Variants in GRID1 observed in about 807,000 individuals in gnomAD.
The protein encoded by GRID1 is glutamate ionotropic receptor delta type subunit 1.
A neutral mutation model predicts 98.0 loss-of-function variants in GRID1; 28 were observed. That is an observed-to-expected ratio of 0.29 (90% CI 0.21 to 0.39). The LOEUF (loss-of-function observed/expected upper bound fraction) is 0.39. Among genes scored for constraint, GRID1 ranks in the 10% least tolerant of loss-of-function variants. GRID1 has a pLI of 1.00. For synonymous variants in GRID1, 553 were observed against 538.5 expected (o/e 1.03, Z -0.37); for missense variants, 1,111 against 1,340.5 (o/e 0.83, Z 2.67).
At chr10:85,881,795 G>A (rs1841031224) in intron 5 of GRID1, among the ~76,000 whole-genome samples, 1 of 152,082 alleles carries the variant, frequency 6.6e-6, no homozygotes, top group African/African-American at 2.4e-5. Flanking sequence ...AAACTAAAGA[G>A]CTTCTGCACA....
chr10:85,886,039 G>A (rs1589287797), intron 5 of GRID1, among the ~76,000 whole-genome samples: 1 of 149,886 alleles, frequency 6.7e-6, no homozygotes, highest in East Asian at 1.9e-4. Context: ...AACCAGAGCT[G>A]TGTCCTGCCT....
intron 8 of GRID1, among the ~76,000 whole-genome samples, chr10:85,783,395 A>G (rs1280259821): frequency 6.6e-6 from 1 of 152,174 alleles, no homozygotes; most frequent in African/African-American, 2.4e-5. Context: ...TTATAATATC[A>G]AGAAGTGGGG....
chr10:86,004,487 A>C (rs1231553608), intron 4 of GRID1, among the ~76,000 whole-genome samples: 1 of 152,172 alleles, frequency 6.6e-6, no homozygotes, highest in African/African-American at 2.4e-5. Context: ...TGAGTAAAGC[A>C]GATTGCCCTC....
chr10:86,191,502 C>A (rs1487070273), intron 3 of GRID1, among the ~76,000 whole-genome samples: 1 of 151,550 alleles, frequency 6.6e-6, no homozygotes, highest in Non-Finnish European at 1.5e-5. Flanking sequence ...AGAGTGCCCA[C>A]CCCTCCCCTT....
At chr10:85,904,884 G>A (rs958907128) in intron 5 of GRID1, among the ~76,000 whole-genome samples, 4 of 152,024 alleles carry the variant, frequency 2.6e-5, no homozygotes, top group Non-Finnish European at 4.4e-5. Flanking sequence ...TAGTATCTGC[G>A]TAACTCAAAA....
At chr10:86,286,756 A>C (rs1847437419) in intron 2 of GRID1, among the ~76,000 whole-genome samples, 1 of 152,168 alleles carries the variant, frequency 6.6e-6, no homozygotes, top group Non-Finnish European at 1.5e-5. Flanking sequence ...AACGGTACCT[A>C]CCCCAGGGGC....
At chr10:86,346,868 T>C (rs1164487271) in intron 2 of GRID1, among the ~76,000 whole-genome samples, 1 of 152,090 alleles carries the variant, frequency 6.6e-6, no homozygotes, top group Non-Finnish European at 1.5e-5. Flanking sequence ...CCACCCACAA[T>C]GTATGCATGG....
At chr10:85,921,116 T>G (rs1446016581) in intron 4 of GRID1, among the ~76,000 whole-genome samples, 2 of 152,172 alleles carry the variant, frequency 1.3e-5, no homozygotes, top group East Asian at 3.9e-4. Flanking sequence ...TAGCCCCTTT[T>G]GAATGGAGGA....
intron 4 of GRID1, among the ~76,000 whole-genome samples, chr10:85,983,586 CA>C (rs1842572040): frequency 6.6e-6 from 1 of 152,170 alleles, no homozygotes; most frequent in African/African-American, 2.4e-5. Context: ...GAGACTTGAA[CA>C]GAAGGGACTT....
intron 2 of GRID1, among the ~76,000 whole-genome samples, chr10:86,244,877 T>A (rs1846696711): frequency 6.6e-6 from 1 of 152,236 alleles, no homozygotes; most frequent in Non-Finnish European, 1.5e-5. Context: ...TAACTGTGGT[T>A]TAATGAATTT....
At chr10:85,701,494 G>GA (rs1841451053) in intron 12 of GRID1, among the ~76,000 whole-genome samples, 1 of 151,998 alleles carries the variant, frequency 6.6e-6, no homozygotes, top group African/African-American at 2.4e-5. Flanking sequence ...AAACTCAAAA[G>GA]AAAAAATTCC....
chr10:86,265,436 T>C (rs1847089353), intron 2 of GRID1, among the ~76,000 whole-genome samples: 1 of 152,248 alleles, frequency 6.6e-6, no homozygotes, highest in African/African-American at 2.4e-5. Context: ...GTATGACCCT[T>C]CTATTTTACA....
intron 2 of GRID1, among the ~76,000 whole-genome samples, chr10:86,300,990 G>A (rs1057489623): frequency 6.6e-6 from 1 of 152,214 alleles, no homozygotes; most frequent in Admixed American, 6.5e-5. Context: ...CCATTTACCA[G>A]CTAGGCGGTC....
chr10:85,723,054 G>C lies in GRID1; in HGVS notation c.1946C>G (p.Thr649Arg), dbSNP rs781120069. The C allele has an allele frequency of 1.2e-6, 2 of 1,612,726 alleles. No individual in the cohort carries two copies. The highest frequency in any genetic ancestry group is 1.7e-6 in the Non-Finnish European group (2 of 1,179,424). Reference protein sequence around the residue: ...LFTLIVCSSYTANLAAFLTVS... With the variant: ...LFTLIVCSSYRANLAAFLTVS... ...TGTGAGGAAGGCAGCAAGGTTGGCT[G>C]TGTAGGAGGAGCACACAATGAGCGT... Residue 649 changes from threonine (T) to arginine (R), a missense_variant, in exon 12 of 16, where the codon ACA becomes AGA. Thr to Arg is a moderately conservative substitution (Grantham distance 71). Transcript: ENST00000327946.
At chr10:85,880,250 G>T (rs1268537680) in intron 5 of GRID1, among the ~76,000 whole-genome samples, 1 of 152,146 alleles carries the variant, frequency 6.6e-6, no homozygotes, top group Non-Finnish European at 1.5e-5. Flanking sequence ...GAAAAAGAGG[G>T]AATCCTCCCT....
In GRID1 at chr10:85,710,001, C is replaced by A. The variant is rs144859862; in HGVS notation, c.1997+13002G>T. On this transcript the variant is annotated intron_variant, in intron 12 of 15. Coordinates refer to ENST00000327946, the MANE Select transcript of GRID1 (RefSeq NM_017551.3). ...GAAATTAAAGGCACAAATAAATAGA[C>A]ATCTTATGCTAATGGATTGGAAGAC... Among the ~76,000 whole-genome samples, 889 of 152,126 alleles carry A rather than the reference C, an allele frequency of 5.8e-3. 1 individual carries two copies. The highest frequency in any genetic ancestry group is 0.017 in the South Asian group (80 of 4,816).
intron 8 of GRID1, among the ~76,000 whole-genome samples, chr10:85,842,135 T>C (rs1300145257): frequency 1.3e-5 from 2 of 152,112 alleles, no homozygotes; most frequent in Non-Finnish European, 2.9e-5. Flanking sequence ...CCTAGAATAC[T>C]ATGCAGCCAC....
intron 2 of GRID1, among the ~76,000 whole-genome samples, chr10:86,291,224 C>T (rs1007119908): frequency 1.1e-4 from 17 of 152,140 alleles, no homozygotes; most frequent in African/African-American, 3.4e-4. Flanking sequence ...ATCCACAGCG[C>T]GGTGCACAGA....
At chr10:85,879,670 G>A (rs1429201296) in intron 5 of GRID1, among the ~76,000 whole-genome samples, 1 of 152,022 alleles carries the variant, frequency 6.6e-6, no homozygotes, top group Admixed American at 6.6e-5. Flanking sequence ...GAGAAAGCAG[G>A]AAAGATCCAA....
Sources: gnomAD v4.1 joint callset for allele counts (sites outside exome capture counted in the v4.1 genomes callset) on GRCh38, gnomAD v4.1.1 for gene constraint, MANE v1.5 for transcripts, NCBI Gene and HGNC (gene_info 2026-07-23, HGNC 2026-07-21) for gene names.